NEK4: variants seen among roughly 807,000 people sequenced by gnomAD.
NEK4 encodes serine/threonine-protein kinase Nek4.
A neutral mutation model predicts 98.4 loss-of-function variants in NEK4; 86 were observed. The observed-to-expected ratio is 0.87, with a 90% CI of 0.73 to 1.05. The LOEUF is 1.05. NEK4 is among the 50% of genes least tolerant of loss of function. The pLI is 0.00. For synonymous variants in NEK4, 328 were observed against 342.2 expected (o/e 0.96, Z 0.46); for missense variants, 898 against 950.3 (o/e 0.94, Z 0.72).
chr3:52,760,973 T>C (rs1485685209), intron 5 of NEK4, 37 bp from the exon 6 acceptor site: 3 of 1,378,728 alleles, frequency 2.2e-6, no homozygotes, highest in Non-Finnish European at 3.0e-6. Flanking sequence ...ATTATCAATA[T>C]ACTGAAGATT....
chr3:52,768,009 G>C (rs1310970995), intron 2 of NEK4, among the ~76,000 whole-genome samples: 1 of 152,170 alleles, frequency 6.6e-6, no homozygotes. Context: ...CCACCTTTCA[G>C]CATGACACGA....
chr3:52,758,702 A>G (rs1698226796), intron 6 of NEK4, among the ~76,000 whole-genome samples: 1 of 152,196 alleles, frequency 6.6e-6, no homozygotes, highest in African/African-American at 2.4e-5. Flanking sequence ...CAACCTATAC[A>G]ATGGAGAAAA....
chr3:52,739,753 A>G (rs2097382701), intron 13 of NEK4, 119 bp from the exon 14 acceptor site: 1 of 799,386 alleles, frequency 1.3e-6, no homozygotes, highest in Non-Finnish European at 2.1e-6. Context: ...GTAAGTTCCT[A>G]CAGACTGACC....
intron 15 of NEK4, among the ~76,000 whole-genome samples, chr3:52,720,488 G>A (rs2154102170): frequency 6.6e-6 from 1 of 152,276 alleles, no homozygotes. Context: ...AGGTTAAAGT[G>A]CTGAAAGTCA....
chr3:52,745,083 T>C (rs2154104338), intron 10 of NEK4, among the ~76,000 whole-genome samples: 1 of 151,856 alleles, frequency 6.6e-6, no homozygotes, highest in Non-Finnish European at 1.5e-5. Flanking sequence ...GCCCGGCTAA[T>C]TTTATTTTTG....
chr3:52,731,463 G>T (rs899161378), intron 15 of NEK4, among the ~76,000 whole-genome samples: 2 of 152,236 alleles, frequency 1.3e-5, no homozygotes, highest in Non-Finnish European at 2.9e-5. Context: ...CATAAGGATA[G>T]ATATATAGAT....
At chr3:52,719,564 CAG>C in intron 15 of NEK4, among the ~76,000 whole-genome samples, 1 of 133,176 alleles carries the variant, frequency 7.5e-6, no homozygotes, top group Non-Finnish European at 1.6e-5. Context: ...GCCTGGGTGA[CAG>C]AGTGAGACTC....
chr3:52,738,644 T>A (rs1421822823), intron 14 of NEK4, among the ~76,000 whole-genome samples: 1 of 151,890 alleles, frequency 6.6e-6, no homozygotes, highest in African/African-American at 2.4e-5. Flanking sequence ...AGACACAAGT[T>A]TTCATCATGT....
intron 4 of NEK4, 127 bp downstream of exon 4, chr3:52,765,760 G>A: frequency 9.5e-6 from 6 of 628,868 alleles, no homozygotes; most frequent in African/African-American, 1.8e-5. Flanking sequence ...ACCCACCATT[G>A]TTAACTATCA....
At position 52,769,089 on chromosome 3, in the gene NEK4, T is replaced by C. The variant is rs141576578; in HGVS notation, c.94-485A>G. On this transcript the variant is annotated intron_variant, in intron 1 of 15. Transcript: ENST00000233027. ...CAAAAATTAGCCCGGCGTGGTGGTG[T>C]GTACCCATAGTCCCAGCAACTCGGG... Among the ~76,000 whole-genome samples, 790 of 152,100 alleles carry C rather than the reference T, an allele frequency of 5.2e-3. 9 individuals are homozygous for C. The highest frequency in any genetic ancestry group is 0.018 in the African/African-American group (728 of 41,468).
intron 6 of NEK4, among the ~76,000 whole-genome samples, chr3:52,758,501 T>C (rs1008688768): frequency 6.6e-6 from 1 of 152,048 alleles, no homozygotes; most frequent in Non-Finnish European, 1.5e-5. Context: ...GAAGAAACTA[T>C]GGCATAAACC....
chr3:52,762,738 G>A (rs1011734048), intron 5 of NEK4, among the ~76,000 whole-genome samples: 42 of 152,222 alleles, frequency 2.8e-4, no homozygotes, highest in African/African-American at 5.1e-4. Flanking sequence ...AAAATTAGCC[G>A]GGCACGGTGG....
At chr3:52,763,686 G>A (rs1207694800) in intron 4 of NEK4, 62 bp from the exon 5 acceptor site, 1 of 1,276,622 alleles carries the variant, frequency 7.8e-7, no homozygotes, top group African/African-American at 1.5e-5. Flanking sequence ...GTAAAAGCTG[G>A]TAGAGGTTTC....
rs555572647 is a variant in NEK4 at position 52,767,254 on chromosome 3, C to T, written c.361-879G>A. On this transcript the variant is annotated intron_variant, in intron 2 of 15. Coordinates refer to ENST00000233027, the MANE Select transcript of NEK4 (RefSeq NM_003157.6). ...TGAGCCACGATTGTGCCACTGCACT[C>T]GAATCTGGGCGACAGTGACACTCTG... 8.6e-5 allele frequency among the ~76,000 whole-genome samples: 13 copies of T among 151,522 alleles called. No homozygotes were observed. The South Asian group carries it at 1.7e-3, about 19-fold the overall frequency.
At chr3:52,729,074 T>G (rs1416737237) in intron 15 of NEK4, among the ~76,000 whole-genome samples, 2 of 152,230 alleles carry the variant, frequency 1.3e-5, no homozygotes, top group Admixed American at 6.5e-5. Context: ...TTTGTCCTGT[T>G]TCCTCAGAAG....
At chr3:52,717,760 C>A (rs1295003953) in intron 15 of NEK4, among the ~76,000 whole-genome samples, 1 of 152,100 alleles carries the variant, frequency 6.6e-6, no homozygotes, top group Admixed American at 6.5e-5. Context: ...GGAAGTGTAA[C>A]TGAGTACCTC....
chr3:52,716,276 A>G (rs376656359), intron 15 of NEK4, among the ~76,000 whole-genome samples: 4 of 152,286 alleles, frequency 2.6e-5, no homozygotes, highest in African/African-American at 9.6e-5. Context: ...TCAGCCACAG[A>G]CGTTTCTGGC....
At chr3:52,751,826 C>A (rs2097405628) in intron 7 of NEK4, 106 bp downstream of exon 7, 1 of 1,098,280 alleles carries the variant, frequency 9.1e-7, no homozygotes, top group Non-Finnish European at 1.3e-6. Context: ...TAAACTGATA[C>A]ATAGAATTAC....
At chr3:52,738,543 T>C (rs2097380261) in intron 14 of NEK4, among the ~76,000 whole-genome samples, 2 of 151,958 alleles carry the variant, frequency 1.3e-5, no homozygotes, top group Non-Finnish European at 2.9e-5. Flanking sequence ...CTCAACCTCC[T>C]GGGTTCAAGA....
Sources: allele counts gnomAD v4.1 joint callset (sites outside exome capture counted in the v4.1 genomes callset), GRCh38; gene constraint gnomAD v4.1.1; transcripts MANE v1.5; gene names NCBI Gene and HGNC (gene_info 2026-07-23, HGNC 2026-07-21).